The following CCDC149 variants were observed in gnomAD, a reference collection of about 807,000 sequenced individuals.
CCDC149 encodes the protein coiled-coil domain-containing protein 149.
CCDC149 carries 45 observed loss-of-function variants against 59.9 expected under a neutral mutation model. That is an observed-to-expected ratio of 0.75 (90% CI 0.59 to 0.96). The LOEUF (loss-of-function observed/expected upper bound fraction) is 0.96. Among genes scored for constraint, CCDC149 ranks in the 40% least tolerant of loss-of-function variants. The pLI is 0.00. For missense variants in CCDC149, 584 were observed against 664.7 expected (o/e 0.88, Z 1.33); for synonymous variants, 245 against 260.6 (o/e 0.94, Z 0.58).
At chr4:24,950,686 G>T (rs570442855) in intron 1 of CCDC149, among the ~76,000 whole-genome samples, 1 of 152,330 alleles carries the variant, frequency 6.6e-6, no homozygotes, top group South Asian at 2.1e-4. Flanking sequence ...CCCTTAGGGT[G>T]GCAGTGGAGG....
At chr4:24,915,918 T>G (rs1722109819), upstream of CCDC149, among the ~76,000 whole-genome samples, 5 of 152,248 alleles carry the variant, frequency 3.3e-5, no homozygotes, top group African/African-American at 1.2e-4. Context: ...AGACACCTCA[T>G]CAACAGCAGC....
intron 1 of CCDC149, among the ~76,000 whole-genome samples, chr4:24,942,327 C>T (rs979147136): frequency 6.6e-5 from 10 of 152,248 alleles, no homozygotes; most frequent in African/African-American, 2.4e-4. Flanking sequence ...GCACAAAAGG[C>T]CTTTGACAAA....
chr4:24,852,249 A>G (rs1717704677), intron 4 of CCDC149, among the ~76,000 whole-genome samples: 1 of 151,522 alleles, frequency 6.6e-6, no homozygotes, highest in African/African-American at 2.4e-5. Flanking sequence ...TAACATCTAA[A>G]AACATTTCCC....
Position 24,836,928 on chromosome 4 carries a change from T to C in CCDC149, c.662+300A>G, listed in dbSNP as rs1716574540. 1.3e-5 allele frequency among the ~76,000 whole-genome samples: 2 copies of C among 152,216 alleles called. 1 individual carries two copies. The highest frequency in any genetic ancestry group is 4.1e-4 in the South Asian group (2 of 4,824). ...TTCTCAATTCATTTTCTTATTCTTT[T>C]CTTTCTCCTTGATGGCAATAACAAG... is the stretch of plus-strand genomic sequence containing the variant. On this transcript the variant is annotated intron_variant, in intron 6 of 12. Coordinates refer to ENST00000635206, the MANE Select transcript of CCDC149 (RefSeq NM_001330643.2).
intron 3 of CCDC149, among the ~76,000 whole-genome samples, chr4:24,873,111 T>C (rs1021037704): frequency 6.6e-6 from 1 of 150,402 alleles, no homozygotes; most frequent in Admixed American, 6.6e-5. Context: ...ACAAATGGTA[T>C]GCACCCACTG....
Position 24,839,028 on chromosome 4 carries a change from T to TCACACA in CCDC149, c.373-762_373-757dup, listed in dbSNP as rs56226858. Among the ~76,000 whole-genome samples the TCACACA allele has an allele frequency of 1.7e-4, 23 of 132,116 alleles. No homozygotes were observed. In the East Asian group the frequency reaches 2.7e-3, roughly 15 times the overall value. The allele number at this position is 132,116 out of a possible 152,430, so 86.7% of individuals were successfully genotyped here. ...CTCTCTCTCTCTCTCTCTCTCTCTC[T>TCACACA]CACACACACACACACACACACACAC... On this transcript the variant is annotated intron_variant, in intron 4 of 12. Coordinates refer to ENST00000635206, the MANE Select transcript of CCDC149 (RefSeq NM_001330643.2).
At chr4:24,887,912 G>A (rs1009683874) in intron 1 of CCDC149, among the ~76,000 whole-genome samples, 3 of 151,558 alleles carry the variant, frequency 2.0e-5, no homozygotes, top group South Asian at 4.2e-4. Flanking sequence ...TTCTACTCCC[G>A]CCCTCCATGT....
At chr4:24,939,907 A>G (rs990672501) in intron 1 of CCDC149, among the ~76,000 whole-genome samples, 3 of 152,248 alleles carry the variant, frequency 2.0e-5, no homozygotes, top group Non-Finnish European at 2.9e-5. Flanking sequence ...AAAAGACCAA[A>G]TCTACGTCTC....
At chr4:24,822,453 A>G (rs1194856374) in intron 10 of CCDC149, 44 bp downstream of exon 10, 18 of 1,287,484 alleles carry the variant, frequency 1.4e-5, no homozygotes, top group Non-Finnish European at 1.8e-5. Context: ...CTTAAAAAAA[A>G]GAAAAAAAAA....
intron 1 of CCDC149, among the ~76,000 whole-genome samples, chr4:24,880,592 G>A (rs575232375): frequency 6.6e-6 from 1 of 152,268 alleles, no homozygotes; most frequent in African/African-American, 2.4e-5. Context: ...CCTGTGATTG[G>A]AAACAAACAA....
intron 1 of CCDC149, among the ~76,000 whole-genome samples, chr4:24,903,091 C>T (rs536017197): frequency 6.6e-6 from 1 of 150,748 alleles, no homozygotes; most frequent in Admixed American, 6.6e-5. Flanking sequence ...TCCCACCTTG[C>T]TTCCATTTCC....
rs72068303 is a variant in CCDC149 at position 24,839,061 on chromosome 4, CAGAGAG to C, written c.373-795_373-790del. On this transcript the variant is annotated intron_variant, in intron 4 of 12. Coordinates refer to ENST00000635206, the MANE Select transcript of CCDC149 (RefSeq NM_001330643.2). ...ACACACACACACACACACACACACA[CAGAGAG>C]AGAGAGAGAAAGAGAGAGAGAGAAA... is the stretch of plus-strand genomic sequence containing the variant. 4.1e-3 allele frequency among the ~76,000 whole-genome samples: 471 copies of C among 115,322 alleles called. 6 individuals carry two copies. The highest frequency in any genetic ancestry group is 0.016 in the African/African-American group (432 of 27,454). The allele number at this position is 115,322 out of a possible 152,430, so 75.7% of individuals were successfully genotyped here.
At chr4:24,824,277 A>G (rs1022468758) in intron 9 of CCDC149, among the ~76,000 whole-genome samples, 3 of 152,150 alleles carry the variant, frequency 2.0e-5, no homozygotes, top group African/African-American at 4.8e-5. Flanking sequence ...CCCCTGCCTA[A>G]GTTTGTCAGT....
intron 1 of CCDC149, among the ~76,000 whole-genome samples, chr4:24,974,256 G>T (rs932050603): frequency 6.6e-6 from 1 of 152,204 alleles, no homozygotes; most frequent in African/African-American, 2.4e-5. Context: ...GACTCGGGAG[G>T]CATCAGTTCC....
chr4:24,957,317 C>T (rs1723493095), intron 1 of CCDC149, among the ~76,000 whole-genome samples: 1 of 152,212 alleles, frequency 6.6e-6, no homozygotes, highest in Non-Finnish European at 1.5e-5. Context: ...CACAGATCCT[C>T]ATGTAATCTA....
At chr4:24,956,474 T>C (rs1422351775) in intron 1 of CCDC149, among the ~76,000 whole-genome samples, 1 of 152,156 alleles carries the variant, frequency 6.6e-6, no homozygotes, top group African/African-American at 2.4e-5. Context: ...GCTATTAATA[T>C]AAATTACTTT....
intron 1 of CCDC149, among the ~76,000 whole-genome samples, chr4:24,927,719 CCTCCTCCTCCAT>C (rs1214237212): frequency 6.6e-6 from 1 of 152,106 alleles, no homozygotes; most frequent in Non-Finnish European, 1.5e-5. Context: ...TGATCTACCA[CCTCCTCCTCCAT>C]CTCCAACATA....
At chr4:24,868,316 A>G (rs1261738085) in intron 3 of CCDC149, among the ~76,000 whole-genome samples, 1 of 152,226 alleles carries the variant, frequency 6.6e-6, no homozygotes, top group Non-Finnish European at 1.5e-5. Flanking sequence ...TGAAGAGGAC[A>G]CCTTACCACC....
intron 1 of CCDC149, among the ~76,000 whole-genome samples, chr4:24,928,259 G>C (rs1054919839): frequency 2.6e-5 from 4 of 152,090 alleles, no homozygotes; most frequent in Middle Eastern, 3.2e-3. Context: ...CAACATGCTC[G>C]GTATTTTTCT....
Sources: allele counts gnomAD v4.1 joint callset (sites outside exome capture counted in the v4.1 genomes callset), GRCh38; gene constraint gnomAD v4.1.1; transcripts MANE v1.5; gene names NCBI Gene and HGNC (gene_info 2026-07-23, HGNC 2026-07-21).